NINL: variants seen among roughly 807,000 people sequenced by gnomAD.
The protein encoded by NINL is ninein like, also known as ninein-like protein.
NINL carries 153 observed loss-of-function variants against 160.3 expected under a neutral mutation model. The observed-to-expected ratio is 0.95, with a 90% CI of 0.84 to 1.09. The LOEUF is 1.09. Among genes scored for constraint, NINL ranks in the 50% least tolerant of loss-of-function variants. The probability of loss-of-function intolerance (pLI) is 0.00; values close to 1 mark genes in which losing one functional copy is unlikely to be tolerated. For synonymous variants in NINL, 800 were observed against 734.8 expected (o/e 1.09, Z -1.43); for missense variants, 1,829 against 1,764.0 (o/e 1.04, Z -0.66).
At chr20:25,537,843 G>A (rs754144297) in intron 1 of NINL, among the ~76,000 whole-genome samples, 5 of 152,144 alleles carry the variant, frequency 3.3e-5, no homozygotes, top group African/African-American at 1.2e-4. Context: ...CACCATTAAC[G>A]GGGCTCCTGA....
At chr20:25,455,081 C>T (rs563785246) in intron 23 of NINL, among the ~76,000 whole-genome samples, 1 of 152,258 alleles carries the variant, frequency 6.6e-6, no homozygotes, top group South Asian at 2.1e-4. Context: ...CTGGAATGCA[C>T]CCTCCTCGGA....
chr20:25,516,843 G>A (rs2064169000), intron 3 of NINL, among the ~76,000 whole-genome samples: 1 of 152,116 alleles, frequency 6.6e-6, no homozygotes, highest in Non-Finnish European at 1.5e-5. Context: ...ACAGCAGAAG[G>A]AGCGGGGTCT....
intron 3 of NINL, among the ~76,000 whole-genome samples, chr20:25,514,826 T>C (rs1333482447): frequency 1.3e-5 from 2 of 152,214 alleles, no homozygotes; most frequent in South Asian, 2.1e-4. Flanking sequence ...CCATAAGCCT[T>C]GGTGACTACC....
chr20:25,515,820 G>T (rs1178561105), intron 3 of NINL, among the ~76,000 whole-genome samples: 4 of 152,092 alleles, frequency 2.6e-5, no homozygotes, highest in Non-Finnish European at 5.9e-5. Context: ...ACCCAGGCTG[G>T]AATGCAGTGG....
intron 5 of NINL, 23 bp downstream of exon 5, chr20:25,510,651 T>C (rs777620753): frequency 5.0e-6 from 8 of 1,610,640 alleles, no homozygotes; most frequent in African/African-American, 1.3e-5. Context: ...CAGAGAGCAC[T>C]GAATGCGAGG....
chr20:25,572,121 G>A (rs1010779962), intron 1 of NINL, among the ~76,000 whole-genome samples: 2 of 151,974 alleles, frequency 1.3e-5, no homozygotes, highest in African/African-American at 4.8e-5. Context: ...GACCCTGCAG[G>A]GTCACCACAG....
chr20:25,480,136 C>T (rs772610136), intron 15 of NINL, 25 bp downstream of exon 15: 2 of 1,555,974 alleles, frequency 1.3e-6, no homozygotes, highest in South Asian at 1.1e-5. Context: ...TCCCCCAGGG[C>T]CCCACAGCCC....
chr20:25,513,741 G>A (rs1049687177), intron 3 of NINL, among the ~76,000 whole-genome samples: 4 of 152,298 alleles, frequency 2.6e-5, no homozygotes, highest in Non-Finnish European at 4.4e-5. Context: ...TTGTTTAAAA[G>A]TGTGTAGCAC....
chr20:25,575,580 G>A (rs772248035), intron 1 of NINL, among the ~76,000 whole-genome samples: 22 of 151,832 alleles, frequency 1.4e-4, no homozygotes, highest in Admixed American at 9.2e-4. Flanking sequence ...GTGAAACCCC[G>A]TCTCTACTAA....
chr20:25,552,839 C>T (rs914109305), intron 1 of NINL, among the ~76,000 whole-genome samples: 3 of 152,192 alleles, frequency 2.0e-5, no homozygotes, highest in Admixed American at 6.5e-5. Flanking sequence ...GACAAGTTTG[C>T]GAAGAGCCGA....
chr20:25,583,606 C>T (rs1041995447), intron 1 of NINL, among the ~76,000 whole-genome samples: 7 of 152,176 alleles, frequency 4.6e-5, no homozygotes, highest in Non-Finnish European at 4.4e-5. Flanking sequence ...ACATTTGACC[C>T]GGTGATCCCA....
At chr20:25,518,660 T>C (rs1303148718) in intron 2 of NINL, among the ~76,000 whole-genome samples, 1 of 152,220 alleles carries the variant, frequency 6.6e-6, no homozygotes, top group African/African-American at 2.4e-5. Flanking sequence ...GTAATCTAAT[T>C]ACATTTAATG....
At chr20:25,526,056 T>C (rs1340811199) in intron 2 of NINL, among the ~76,000 whole-genome samples, 1 of 152,206 alleles carries the variant, frequency 6.6e-6, no homozygotes. Context: ...CTCTCTCTGA[T>C]TACCAGTGTG....
chr20:25,500,664 T>C (rs1263932314), intron 8 of NINL, among the ~76,000 whole-genome samples, 176 bp downstream of exon 8: 1 of 152,250 alleles, frequency 6.6e-6, no homozygotes, highest in Non-Finnish European at 1.5e-5. Context: ...TCCTATATTT[T>C]AGTAACAAAA....
chr20:25,511,588 T>C (rs2064070558), intron 4 of NINL, among the ~76,000 whole-genome samples: 1 of 152,168 alleles, frequency 6.6e-6, no homozygotes, highest in Admixed American at 6.5e-5. Flanking sequence ...TCAACTCCAC[T>C]GACAACCCTA....
chr20:25,481,970 G>T lies in NINL; in HGVS notation c.1808C>A (p.Ala603Glu). 6.3e-7 allele frequency: 1 copy of T among 1,596,760 alleles called. No homozygotes were observed. Among genetic ancestry groups the T allele is most frequent in the Non-Finnish European group, 8.5e-7 (1 of 1,178,278 alleles). ...RRRQLPGLGP[A>E]GISFLGNSAP... is the part of the protein sequence containing the mutation. Reference sequence around the variant, plus strand: ...CCCTCCCAGGGACGGGCTCCTACCTGCTGGGCCGAGTCCAGGGAGCTGCCG... The same window carrying T: ...CCCTCCCAGGGACGGGCTCCTACCTTCTGGGCCGAGTCCAGGGAGCTGCCG... The change falls in exon 14 of 24, where the codon GCA (alanine) becomes GAA (glutamate). Residue 603 changes from alanine to glutamate, a missense_variant and splice_region_variant. Transcript: ENST00000278886.
At chr20:25,561,050 C>T (rs1171380165) in intron 1 of NINL, among the ~76,000 whole-genome samples, 7 of 3,388 alleles carry the variant, frequency 2.1e-3, no homozygotes, top group South Asian at 0.014. Context: ...CTCCCTCTCC[C>T]TCTCTCTCTC....
intron 2 of NINL, among the ~76,000 whole-genome samples, chr20:25,519,371 G>C (rs1291937574): frequency 6.6e-6 from 1 of 152,060 alleles, no homozygotes; most frequent in Non-Finnish European, 1.5e-5. Context: ...TTATCCCATA[G>C]TTATTCTGTT....
chr20:25,455,603 G>A, intron 23 of NINL, 70 bp downstream of exon 23: 1 of 1,105,048 alleles, frequency 9.0e-7, no homozygotes, highest in Non-Finnish European at 1.4e-6. Context: ...TTAGCTACCT[G>A]CACACCCATA....
Sources: allele counts gnomAD v4.1 joint callset (sites outside exome capture counted in the v4.1 genomes callset), GRCh38; gene constraint gnomAD v4.1.1; transcripts MANE v1.5; gene names NCBI Gene and HGNC (gene_info 2026-07-23, HGNC 2026-07-21).